Variants in PCDH15 observed in about 807,000 individuals in gnomAD.
PCDH15 encodes the protein protocadherin related 15, also known as protocadherin-15.
Under a neutral mutation model 178.5 loss-of-function variants are expected in PCDH15, and 129 were observed. The ratio of observed to expected loss-of-function variants is 0.72; its 90% confidence interval spans 0.63 to 0.84. PCDH15 has a LOEUF of 0.84. Ranked by LOEUF, PCDH15 falls within the 40% of genes least tolerant of loss-of-function variation. The pLI, the probability that PCDH15 is intolerant of heterozygous loss-of-function variation, is 0.00. For missense variants in PCDH15, 2,230 were observed against 2,099.9 expected (o/e 1.06, Z -1.21); for synonymous variants, 800 against 732.0 (o/e 1.09, Z -1.50).
chr10:54,871,075 A>C (rs2131794734), intron 3 of PCDH15, among the ~76,000 whole-genome samples: 1 of 152,272 alleles, frequency 6.6e-6, no homozygotes, highest in African/African-American at 2.4e-5. Context: ...TTCTGTGTGG[A>C]ACTTTAAAAA....
At chr10:54,889,918 A>G (rs1954430064) in intron 3 of PCDH15, among the ~76,000 whole-genome samples, 1 of 151,990 alleles carries the variant, frequency 6.6e-6, no homozygotes, top group Non-Finnish European at 1.5e-5. Context: ...TAGTATCTTG[A>G]AATAAAATTA....
At chr10:54,638,165 C>T (rs1371934770) in intron 2 of PCDH15, among the ~76,000 whole-genome samples, 1 of 151,506 alleles carries the variant, frequency 6.6e-6, no homozygotes, top group African/African-American at 2.4e-5. Context: ...CTGATGGTCT[C>T]ATGAAAAAAA....
At position 55,211,688 on chromosome 10, in the gene PCDH15, AT is replaced by A. The variant is rs1268403761; in HGVS notation, c.-155-45038del. Among the ~76,000 whole-genome samples the A allele has an allele frequency of 2.0e-5, 3 of 152,154 alleles. No homozygotes were observed. The East Asian group carries it at 5.8e-4, about 29-fold the overall frequency. On this transcript the variant is annotated intron_variant, in intron 1 of 5. Transcript: ENST00000458638. ...CAAATATTAACATTTTCAGATTAAA[AT>A]TATAAACCAAGAAGCCAATAAAGCG...
chr10:54,059,673 GTGCTGA>G (rs892924984), intron 18 of PCDH15, among the ~76,000 whole-genome samples: 11 of 152,106 alleles, frequency 7.2e-5, no homozygotes, highest in African/African-American at 2.4e-4. Context: ...GTTTCTATTG[GTGCTGA>G]TGCTGATGCT....
intron 26 of PCDH15, among the ~76,000 whole-genome samples, chr10:53,893,450 T>A (rs2081724517): frequency 6.6e-6 from 1 of 152,176 alleles, no homozygotes; most frequent in African/African-American, 2.4e-5. Flanking sequence ...TAAAAATAAA[T>A]AAATAAAATT....
At chr10:55,098,692 C>T (rs1039722623) in intron 2 of PCDH15, among the ~76,000 whole-genome samples, 1 of 152,148 alleles carries the variant, frequency 6.6e-6, no homozygotes, top group East Asian at 1.9e-4. Context: ...GCTATGTAAA[C>T]GTCACACCTG....
At chr10:55,410,120 A>AT (rs532434411) in intron 2 of PCDH15, among the ~76,000 whole-genome samples, 66 of 152,186 alleles carry the variant, frequency 4.3e-4, no homozygotes, top group African/African-American at 1.6e-3. Context: ...ATTATAGCTG[A>AT]TTTTTTTAAC....
chr10:54,515,191 G>A (rs920565373), intron 3 of PCDH15, among the ~76,000 whole-genome samples: 2 of 152,218 alleles, frequency 1.3e-5, no homozygotes, highest in African/African-American at 4.8e-5. Flanking sequence ...CTTCACTCAG[G>A]AAACTCAAGG....
intron 29 of PCDH15, among the ~76,000 whole-genome samples, chr10:53,832,953 C>T (rs11003874): frequency 0.38 from 58,166 of 151,586 alleles, 11,822 homozygotes; most frequent in East Asian, 0.75. Flanking sequence ...TAAACAGATA[C>T]GCTTTTATAG....
intron 2 of PCDH15, among the ~76,000 whole-genome samples, chr10:54,621,210 G>A (rs545801080): frequency 6.6e-6 from 1 of 151,802 alleles, no homozygotes; most frequent in Non-Finnish European, 1.5e-5. Flanking sequence ...ATTAATGCTA[G>A]GATTATTTTA....
intron 3 of PCDH15, among the ~76,000 whole-genome samples, chr10:54,394,885 T>C (rs565228055): frequency 6.6e-6 from 1 of 152,144 alleles, no homozygotes; most frequent in African/African-American, 2.4e-5. Context: ...TTCAGTGATA[T>C]TTCTCCCATT....
chr10:53,981,715 C>T lies in PCDH15; in HGVS notation c.2868+13934G>A, dbSNP rs1293342505. The stretch of plus-strand genomic sequence containing the variant: ...ACGTTAGACCTAAAACCATAAAAAC[C>T]CTAGAAGAAAACCTAGGCATTACCA... On this transcript the variant is annotated intron_variant, in intron 21 of 37. Coordinates refer to ENST00000644397, the MANE Select transcript of PCDH15 (RefSeq NM_001384140.1). Among the ~76,000 whole-genome samples the T allele has an allele frequency of 7.3e-5, 11 of 149,936 alleles. No individual in the cohort carries two copies. The East Asian group carries it at 1.6e-3, about 21-fold the overall frequency.
intron 15 of PCDH15, among the ~76,000 whole-genome samples, chr10:54,105,205 G>T (rs939033376): frequency 5.4e-5 from 8 of 147,866 alleles, no homozygotes; most frequent in African/African-American, 2.0e-4. Flanking sequence ...ACCAAAATCT[G>T]TATTAGTCAG....
At chr10:55,598,110 T>C (rs1460264558) in intron 2 of PCDH15, among the ~76,000 whole-genome samples, 4 of 152,024 alleles carry the variant, frequency 2.6e-5, no homozygotes, top group African/African-American at 9.7e-5. Context: ...TATACAATAT[T>C]TAGGGTTGGT....
At chr10:54,793,159 G>A (rs147934083) in intron 1 of PCDH15, among the ~76,000 whole-genome samples, 1,853 of 152,006 alleles carry the variant, frequency 0.012, 26 homozygotes, top group South Asian at 0.062. Flanking sequence ...GCATCAATGA[G>A]ATTGAAACTG....
intron 2 of PCDH15, among the ~76,000 whole-genome samples, chr10:54,898,828 T>C (rs1954590366): frequency 6.6e-6 from 1 of 152,162 alleles, no homozygotes; most frequent in African/African-American, 2.4e-5. Flanking sequence ...ATCATGTCCA[T>C]TTAAAAAATA....
intron 3 of PCDH15, among the ~76,000 whole-genome samples, chr10:54,401,930 A>G (rs377296259): frequency 6.6e-6 from 1 of 151,902 alleles, no homozygotes; most frequent in Admixed American, 6.6e-5. Context: ...AAACCTGACA[A>G]AAATACATCA....
intron 29 of PCDH15, among the ~76,000 whole-genome samples, chr10:53,839,024 A>G (rs568231461): frequency 1.5e-4 from 23 of 151,912 alleles, no homozygotes; most frequent in African/African-American, 3.6e-4. Flanking sequence ...CTAACATGGT[A>G]AAACCCCGTC....
chr10:54,241,989 A>G (rs1016652799), intron 8 of PCDH15, among the ~76,000 whole-genome samples: 25 of 150,804 alleles, frequency 1.7e-4, no homozygotes, highest in Non-Finnish European at 1.8e-4. Flanking sequence ...CAATGTTAAG[A>G]CAATGTTTTC....
Sources: gnomAD v4.1 joint callset for allele counts (sites outside exome capture counted in the v4.1 genomes callset) on GRCh38, gnomAD v4.1.1 for gene constraint, MANE v1.5 for transcripts, NCBI Gene and HGNC (gene_info 2026-07-23, HGNC 2026-07-21) for gene names.